CDH20: variants seen among roughly 807,000 people sequenced by gnomAD.
CDH20 encodes cadherin 20, also known as cadherin-20.
In CDH20, 29 loss-of-function variants were observed where a neutral mutation model predicts 74.2. The observed-to-expected ratio is 0.39, with a 90% CI of 0.29 to 0.53. CDH20 has a LOEUF of 0.53. CDH20 is among the 20% of genes least tolerant of loss of function. CDH20 has a pLI of 0.69. For synonymous variants in CDH20, 469 were observed against 405.4 expected, an observed-to-expected ratio of 1.16 and a Z score of -1.88; for missense variants, 988 against 1,048.3, an observed-to-expected ratio of 0.94 and a Z score of 0.79.
chr18:61,447,470 T>C (rs751466438), intron 1 of CDH20, among the ~76,000 whole-genome samples: 13 of 151,994 alleles, frequency 8.6e-5, no homozygotes, highest in African/African-American at 4.8e-5. Flanking sequence ...TAAGAGAAAA[T>C]ACAATACACA....
intron 4 of CDH20, among the ~76,000 whole-genome samples, chr18:61,501,615 C>G (rs1321173467): frequency 6.6e-6 from 1 of 152,118 alleles, no homozygotes; most frequent in Non-Finnish European, 1.5e-5. Context: ...TTATTAGCAA[C>G]CTGATCGAAT....
At chr18:61,503,210 C>G (rs1911447537) in intron 5 of CDH20, 90 bp downstream of exon 5, 1 of 945,048 alleles carries the variant, frequency 1.1e-6, no homozygotes, top group Non-Finnish European at 1.5e-6. Context: ...TTTGAGTTTC[C>G]TCATTAAATT....
At chr18:61,386,303 T>C (rs1911598857) in intron 1 of CDH20, among the ~76,000 whole-genome samples, 1 of 152,148 alleles carries the variant, frequency 6.6e-6, no homozygotes, top group Non-Finnish European at 1.5e-5. Context: ...ATTAGGCCCT[T>C]TTATAAGGTC....
chr18:61,411,361 C>A (rs1248238808), intron 1 of CDH20, among the ~76,000 whole-genome samples: 4 of 152,062 alleles, frequency 2.6e-5, no homozygotes, highest in Admixed American at 2.6e-4. Flanking sequence ...TCTTAAAGAA[C>A]TAAAAGCAGA....
At chr18:61,514,489 T>C in intron 6 of CDH20, among the ~76,000 whole-genome samples, 1 of 152,208 alleles carries the variant, frequency 6.6e-6, no homozygotes, top group Admixed American at 6.5e-5. Context: ...TGAAGCCTTC[T>C]TCTCTCAGCT....
intron 10 of CDH20, 107 bp from the exon 11 acceptor site, chr18:61,549,871 A>ACTATC (rs1276217908): frequency 8.6e-7 from 1 of 1,165,766 alleles, no homozygotes; most frequent in African/African-American, 1.5e-5. Flanking sequence ...GGAATATCTG[A>ACTATC]CTATCCTCTT....
chr18:61,502,911 T>C, intron 4 of CDH20, 42 bp from the exon 5 acceptor site: 1 of 1,525,410 alleles, frequency 6.6e-7, no homozygotes, highest in Non-Finnish European at 8.9e-7. Flanking sequence ...AAACTGGACC[T>C]GTGGTTTTAT....
At chr18:61,532,241 T>C (rs1359957568) in intron 7 of CDH20, among the ~76,000 whole-genome samples, 1 of 152,076 alleles carries the variant, frequency 6.6e-6, no homozygotes, top group Non-Finnish European at 1.5e-5. Flanking sequence ...ATTAAATGAG[T>C]CCATATAGGT....
chr18:61,499,105 G>A, intron 2 of CDH20, 81 bp from the exon 3 acceptor site: 1 of 1,183,288 alleles, frequency 8.5e-7, no homozygotes, highest in Non-Finnish European at 1.2e-6. Flanking sequence ...GAGGTTATAA[G>A]TTTGTAACAA....
At chr18:61,494,327 G>T in intron 2 of CDH20, among the ~76,000 whole-genome samples, 1 of 152,098 alleles carries the variant, frequency 6.6e-6, no homozygotes. Context: ...GATCTCTCAT[G>T]CTGGGTAGTT....
At chr18:61,501,663 G>T (rs1348678043) in intron 4 of CDH20, among the ~76,000 whole-genome samples, 4 of 152,112 alleles carry the variant, frequency 2.6e-5, no homozygotes, top group Non-Finnish European at 5.9e-5. Context: ...CAGACATTCA[G>T]AAAATTGTAT....
In CDH20 at chr18:61,535,726, T is replaced by A. The variant is rs115312589; in HGVS notation, c.1272-767T>A. The stretch of plus-strand genomic sequence containing the variant: ...GATGCATGTTGGTCCAGACTGAACA[T>A]GAAAAGTAGAAGCAATGGACGAAGT... On this transcript the variant is annotated intron_variant, in intron 7 of 11. Coordinates refer to ENST00000262717, the MANE Select transcript of CDH20 (RefSeq NM_031891.4). 8.9e-3 allele frequency among the ~76,000 whole-genome samples: 1,353 copies of A among 152,326 alleles called. 27 individuals are homozygous for A. Among genetic ancestry groups the A allele is most frequent in the African/African-American group, 0.03 (1,267 of 41,566 alleles).
chr18:61,444,168 C>T (rs1275397503), intron 1 of CDH20, among the ~76,000 whole-genome samples: 1 of 152,074 alleles, frequency 6.6e-6, no homozygotes, highest in Non-Finnish European at 1.5e-5. Flanking sequence ...ACCACTGCCT[C>T]CCTCCCCATT....
intron 1 of CDH20, among the ~76,000 whole-genome samples, chr18:61,486,676 AT>A (rs1910775273): frequency 6.6e-6 from 1 of 152,154 alleles, no homozygotes; most frequent in Non-Finnish European, 1.5e-5. Context: ...ATAAGCAAAA[AT>A]GATAGCTTAA....
chr18:61,547,011 C>T (rs951588414), intron 10 of CDH20, among the ~76,000 whole-genome samples: 1 of 152,176 alleles, frequency 6.6e-6, no homozygotes, highest in African/African-American at 2.4e-5. Context: ...GGCAACACAG[C>T]AAGACCCTAT....
rs780289004 is a variant in CDH20, at chr18:61,528,122, T to C, written c.1173T>C (p.Pro391=). 5.6e-5 allele frequency: 91 copies of C among 1,614,208 alleles called. No homozygotes were observed. Among genetic ancestry groups the C allele is most frequent in the Non-Finnish European group, 7.5e-5 (89 of 1,180,038 alleles). ...EDVDEPPVFE[P]GFYFVEVPED... The stretch of plus-strand genomic sequence containing the variant: ...TGGACGAGCCCCCTGTGTTTGAACC[T>C]GGCTTTTACTTTGTGGAGGTGCCTG... Residue 391 remains proline, a synonymous_variant, in exon 7 of 12, where the codon CCT becomes CCC. Coordinates refer to ENST00000262717, the MANE Select transcript of CDH20 (RefSeq NM_031891.4).
intron 3 of CDH20, among the ~76,000 whole-genome samples, chr18:61,499,890 C>G (rs1195953605): frequency 6.6e-6 from 1 of 151,750 alleles, no homozygotes; most frequent in Non-Finnish European, 1.5e-5. Context: ...GTCAGGAGAT[C>G]CTGGCCAACA....
At chr18:61,334,262 C>G (rs1909673834) in intron 1 of CDH20, 3 of 152,132 alleles carry the variant, frequency 2.0e-5, no homozygotes, top group Non-Finnish European at 4.4e-5. Context: ...TGGCCGCGTC[C>G]CTCGCACAGA....
intron 1 of CDH20, among the ~76,000 whole-genome samples, chr18:61,402,158 G>A (rs1912175678): frequency 6.6e-6 from 1 of 152,148 alleles, no homozygotes; most frequent in Non-Finnish European, 1.5e-5. Flanking sequence ...AGAAGGCGCA[G>A]CTGGATCTGA....
Sources: allele counts gnomAD v4.1 joint callset (sites outside exome capture counted in the v4.1 genomes callset), GRCh38; gene constraint gnomAD v4.1.1; transcripts MANE v1.5; gene names NCBI Gene and HGNC (gene_info 2026-07-23, HGNC 2026-07-21).